Variants in FGF10 observed in about 807,000 individuals in gnomAD.
FGF10 encodes the protein FGF-10.
In FGF10, 2 loss-of-function variants were observed where a neutral mutation model predicts 19.8. That is an observed-to-expected ratio of 0.10 (90% CI 0.04 to 0.32). The LOEUF (loss-of-function observed/expected upper bound fraction) is 0.32, where lower values mean the gene tolerates loss of function less well. FGF10 is among the 10% of genes least tolerant of loss of function. The pLI, the probability that FGF10 is intolerant of heterozygous loss-of-function variation, is 1.00. For missense variants in FGF10, 191 were observed against 246.3 expected, an observed-to-expected ratio of 0.78 and a Z score of 1.50; for synonymous variants, 112 against 94.0, an observed-to-expected ratio of 1.19 and a Z score of -1.10.
At chr5:44,366,127 CTT>C (rs35522683) in intron 1 of FGF10, among the ~76,000 whole-genome samples, 4 of 74,826 alleles carry the variant, frequency 5.3e-5, no homozygotes, top group East Asian at 4.6e-4. Context: ...CAATTATTTC[CTT>C]TTTTTTTTTT....
chr5:44,308,846 C>T (rs1740144937), intron 2 of FGF10, among the ~76,000 whole-genome samples: 1 of 152,152 alleles, frequency 6.6e-6, no homozygotes, highest in Admixed American at 6.6e-5. Context: ...GCATCAGGAA[C>T]ACCTGGGACC....
chr5:44,328,767 G>T (rs1270021937), intron 1 of FGF10, among the ~76,000 whole-genome samples: 1 of 152,152 alleles, frequency 6.6e-6, no homozygotes, highest in Non-Finnish European at 1.5e-5. Flanking sequence ...GGATGGAACA[G>T]GAAGCTGTTA....
At chr5:44,317,301 A>C (rs1006575516) in intron 1 of FGF10, among the ~76,000 whole-genome samples, 3 of 152,214 alleles carry the variant, frequency 2.0e-5, no homozygotes, top group Admixed American at 6.5e-5. Flanking sequence ...CTATCTCTGG[A>C]TAAGATGATA....
At chr5:44,334,954 A>G (rs1174464359) in intron 1 of FGF10, among the ~76,000 whole-genome samples, 1 of 152,154 alleles carries the variant, frequency 6.6e-6, no homozygotes, top group Middle Eastern at 3.2e-3. Context: ...TCCCTTAATC[A>G]TTCTCACTTG....
intron 1 of FGF10, among the ~76,000 whole-genome samples, chr5:44,311,083 AC>A (rs2111690340): frequency 6.6e-6 from 1 of 152,240 alleles, no homozygotes; most frequent in Non-Finnish European, 1.5e-5. Context: ...ATTCTGAGAT[AC>A]AGGGAGACTA....
chr5:44,317,084 T>G (rs961322871), intron 1 of FGF10, among the ~76,000 whole-genome samples: 1 of 152,180 alleles, frequency 6.6e-6, no homozygotes, highest in African/African-American at 2.4e-5. Flanking sequence ...TAGAATGATC[T>G]CATTGCCATT....
chr5:44,374,762 T>C (rs1741816269), intron 1 of FGF10, among the ~76,000 whole-genome samples: 1 of 152,178 alleles, frequency 6.6e-6, no homozygotes, highest in African/African-American at 2.4e-5. Context: ...TAGAAATAAC[T>C]GTCTCATAGT....
intron 1 of FGF10, among the ~76,000 whole-genome samples, chr5:44,370,579 G>T (rs1173719551): frequency 6.6e-6 from 1 of 152,034 alleles, no homozygotes; most frequent in Non-Finnish European, 1.5e-5. Context: ...TAGACAAAGA[G>T]TGTTGAGGAG....
chr5:44,337,693 G>A (rs1442974361), intron 1 of FGF10, among the ~76,000 whole-genome samples: 2 of 152,222 alleles, frequency 1.3e-5, no homozygotes, highest in African/African-American at 4.8e-5. Flanking sequence ...TGTAATCCCA[G>A]CACTTTGGGA....
intron 1 of FGF10, among the ~76,000 whole-genome samples, chr5:44,378,997 T>C (rs948289460): frequency 3.3e-5 from 5 of 152,206 alleles, no homozygotes; most frequent in African/African-American, 1.2e-4. Flanking sequence ...ATGTGCCTTC[T>C]CTGTACTTCT....
Position 44,349,455 on chromosome 5 carries a change from T to TATATATATATATATCAGA in FGF10, c.325+38885_325+38902dup, listed in dbSNP as rs1254077351. ...ATATATATATATATATATATATATA[T>TATATATATATATATCAGA]ATATATATATATATCAGAATATATA... On this transcript the variant is annotated intron_variant, in intron 1 of 2. Coordinates refer to ENST00000264664, the MANE Select transcript of FGF10 (RefSeq NM_004465.2). 2.2e-4 allele frequency among the ~76,000 whole-genome samples: 8 copies of TATATATATATATATCAGA among 36,002 alleles called. No homozygotes were observed. The East Asian group carries it at 8.2e-3, about 37-fold the overall frequency. 23.6% of individuals were successfully genotyped at this position (36,002 alleles called of 152,430 possible). A position where few individuals can be genotyped will look rare whatever the true frequency, so the allele number is the denominator to read the frequency against.
At chr5:44,383,439 A>G (rs1405148570) in intron 1 of FGF10, among the ~76,000 whole-genome samples, 1 of 152,014 alleles carries the variant, frequency 6.6e-6, no homozygotes, top group Admixed American at 6.6e-5. Flanking sequence ...TTTTGAAAAC[A>G]ACTGCTTTTA....
In FGF10 at chr5:44,304,763, C is replaced by T. The variant is rs1296835197; in HGVS notation, c.*232G>A. 8 of 519,782 alleles carry T rather than the reference C, an allele frequency of 1.5e-5. No homozygotes were observed. The highest frequency in any genetic ancestry group is 2.8e-5 in the Non-Finnish European group (8 of 287,496). 32.2% of individuals were successfully genotyped at this position (519,782 alleles called of 1,614,324 possible). A position where few individuals can be genotyped will look rare whatever the true frequency, so the allele number is the denominator to read the frequency against. On this transcript the variant is annotated 3_prime_UTR_variant, in exon 3 of 3. Transcript: ENST00000264664. ...AATGTTTTTCACTTGGGAATAACTT[C>T]TATCCCATTCGATCTGCCTATATCT... is the stretch of plus-strand genomic sequence containing the variant.
intron 1 of FGF10, among the ~76,000 whole-genome samples, chr5:44,324,561 A>T (rs1467109082): frequency 6.6e-6 from 1 of 152,170 alleles, no homozygotes; most frequent in Non-Finnish European, 1.5e-5. Context: ...TATTTATTGC[A>T]TATAATGAAT....
At position 44,311,297 on chromosome 5, in the gene FGF10, G is replaced by T. The variant is rs1740204547; in HGVS notation, c.326-767C>A. Among the ~76,000 whole-genome samples, 2 of 152,042 alleles carry T rather than the reference G, an allele frequency of 1.3e-5. 1 individual carries two copies. The highest frequency in any genetic ancestry group is 4.1e-4 in the South Asian group (2 of 4,830). ...ATCTAAAGATAATTTTCTCGGAAAA[G>T]TTTGTAGATCACAATAGGGAAGTCA... On this transcript the variant is annotated intron_variant, in intron 1 of 2. Coordinates refer to ENST00000264664, the MANE Select transcript of FGF10 (RefSeq NM_004465.2).
chr5:44,365,655 G>C (rs574994119), intron 1 of FGF10, among the ~76,000 whole-genome samples: 2 of 152,080 alleles, frequency 1.3e-5, no homozygotes, highest in South Asian at 4.1e-4. Flanking sequence ...TGTCATCCCA[G>C]TCTCAGGTCC....
At chr5:44,360,154 C>T (rs998743166) in intron 1 of FGF10, among the ~76,000 whole-genome samples, 15 of 151,518 alleles carry the variant, frequency 9.9e-5, no homozygotes, top group Non-Finnish European at 1.8e-4. Context: ...CCAAAATGCA[C>T]TTGGAGAATT....
At chr5:44,371,638 G>C (rs1741743983) in intron 1 of FGF10, among the ~76,000 whole-genome samples, 1 of 152,112 alleles carries the variant, frequency 6.6e-6, no homozygotes, top group Non-Finnish European at 1.5e-5. Flanking sequence ...GATAGGTTCT[G>C]TATCAAACAA....
At chr5:44,334,892 T>A (rs1181933300) in intron 1 of FGF10, among the ~76,000 whole-genome samples, 2 of 152,136 alleles carry the variant, frequency 1.3e-5, no homozygotes, top group African/African-American at 2.4e-5. Flanking sequence ...AAATCATGAG[T>A]AAGCATAAGA....
Sources: gnomAD v4.1 joint callset for allele counts (sites outside exome capture counted in the v4.1 genomes callset) on GRCh38, gnomAD v4.1.1 for gene constraint, MANE v1.5 for transcripts, NCBI Gene and HGNC (gene_info 2026-07-23, HGNC 2026-07-21) for gene names.